The following ABL1 variants were observed in gnomAD, a reference collection of about 807,000 sequenced individuals.
ABL1 encodes ABL proto-oncogene 1, non-receptor tyrosine kinase.
Under a neutral mutation model 94.7 loss-of-function variants are expected in ABL1, and 11 were observed. The observed-to-expected ratio is 0.12, with a 90% CI of 0.07 to 0.19. The LOEUF is 0.19. Among genes scored for constraint, ABL1 ranks in the 10% least tolerant of loss-of-function variants. ABL1 has a pLI of 1.00. For missense variants in ABL1, 1,082 were observed against 1,489.4 expected (o/e 0.73, Z 4.50); for synonymous variants, 656 against 622.4 (o/e 1.05, Z -0.80).
At chr9:130,755,084 C>T (rs986265252) in intron 1 of ABL1, among the ~76,000 whole-genome samples, 2 of 152,160 alleles carry the variant, frequency 1.3e-5, no homozygotes, top group Non-Finnish European at 2.9e-5. Context: ...CAAAAGTGTC[C>T]TGAGCGCCTA....
chr9:130,799,328 G>A (rs1830025093), intron 1 of ABL1, among the ~76,000 whole-genome samples: 1 of 152,178 alleles, frequency 6.6e-6, no homozygotes, highest in African/African-American at 2.4e-5. Flanking sequence ...AATTATTGAT[G>A]GGTTACAGGT....
In ABL1 at chr9:130,812,560, A is replaced by G. The variant is rs190098216; in HGVS notation, c.137-41504A>G. Among the ~76,000 whole-genome samples the G allele has an allele frequency of 3.5e-4, 53 of 152,232 alleles. No individual in the cohort carries two copies. In the East Asian group the frequency reaches 8.3e-3, roughly 24 times the overall value. On this transcript the variant is annotated intron_variant, in intron 1 of 10. Transcript: ENST00000372348. ...ACCTTAGTGGCATATTAAACAAACT[A>G]TATTTTAAAATGAATGTCACCAAGG...
intron 1 of ABL1, among the ~76,000 whole-genome samples, chr9:130,853,098 C>T (rs1318828890): frequency 6.6e-6 from 1 of 150,450 alleles, no homozygotes; most frequent in African/African-American, 2.5e-5. Flanking sequence ...AGCTCTGCCT[C>T]TGGGAGCGGA....
chr9:130,726,734 G>A (rs1181381290), intron 1 of ABL1, among the ~76,000 whole-genome samples: 1 of 152,008 alleles, frequency 6.6e-6, no homozygotes, highest in Non-Finnish European at 1.5e-5. Context: ...TTGGCCTCCT[G>A]AAGTGCTGGG....
intron 1 of ABL1, among the ~76,000 whole-genome samples, chr9:130,846,738 C>T (rs535750677): frequency 1.3e-5 from 2 of 152,250 alleles, no homozygotes. Context: ...GGTTCATGGG[C>T]ATTTCCCTTC....
chr9:130,861,276 A>G (rs1245013994), intron 3 of ABL1, among the ~76,000 whole-genome samples: 3 of 152,172 alleles, frequency 2.0e-5, no homozygotes, highest in Non-Finnish European at 2.9e-5. Flanking sequence ...ATTGTTACCA[A>G]AAGATTGTAA....
intron 7 of ABL1, among the ~76,000 whole-genome samples, chr9:130,876,788 G>A (rs1394766897): frequency 2.2e-5 from 3 of 135,794 alleles, no homozygotes; most frequent in Non-Finnish European, 4.6e-5. Flanking sequence ...CCAGGCTGGA[G>A]TGCAGTGGCA....
chr9:130,720,153 T>G (rs1264902755), intron 1 of ABL1, among the ~76,000 whole-genome samples: 1 of 152,192 alleles, frequency 6.6e-6, no homozygotes, highest in Non-Finnish European at 1.5e-5. Context: ...GATATATTTG[T>G]AAACAAAACA....
At chr9:130,800,598 G>A (rs1830041403) in intron 1 of ABL1, among the ~76,000 whole-genome samples, 1 of 152,092 alleles carries the variant, frequency 6.6e-6, no homozygotes, top group African/African-American at 2.4e-5. Context: ...CTGTAGTTTT[G>A]TCTTTTCAAG....
At chr9:130,864,744 G>A (rs75500271) in intron 4 of ABL1, among the ~76,000 whole-genome samples, 8,061 of 152,160 alleles carry the variant, frequency 0.053, 375 homozygotes, top group East Asian at 0.25. Flanking sequence ...AAGGAGGGAC[G>A]GGGGAGCTGT....
At chr9:130,819,045 C>T (rs927174286) in intron 1 of ABL1, among the ~76,000 whole-genome samples, 1 of 152,078 alleles carries the variant, frequency 6.6e-6, no homozygotes, top group East Asian at 1.9e-4. Flanking sequence ...GACTGTGCAT[C>T]CTTGGAGGTC....
chr9:130,724,747 TAAAAAAAAA>T, intron 1 of ABL1: 18 of 309,624 alleles, frequency 5.8e-5, no homozygotes, highest in Non-Finnish European at 9.3e-5. Flanking sequence ...ACCCTGTCTT[TAAAAAAAAA>T]AAAAAAAAAA....
chr9:130,864,339 C>T (rs1029371937), intron 4 of ABL1, among the ~76,000 whole-genome samples: 27 of 152,106 alleles, frequency 1.8e-4, no homozygotes, highest in Non-Finnish European at 5.9e-5. Context: ...TCCGCCTCCC[C>T]AAATTGGCGA....
chr9:130,873,703 G>T (rs1831292853), intron 6 of ABL1, among the ~76,000 whole-genome samples: 1 of 152,180 alleles, frequency 6.6e-6, no homozygotes, highest in African/African-American at 2.4e-5. Flanking sequence ...ATTCTTTGCT[G>T]GTGGAAATGG....
At chr9:130,878,649 T>C in intron 8 of ABL1, 82 bp downstream of exon 8, 2 of 1,530,352 alleles carry the variant, frequency 1.3e-6, no homozygotes, top group South Asian at 1.2e-5. Flanking sequence ...TACACAAAGT[T>C]GAAAGTTTTT....
At chr9:130,774,986 G>A (rs1832295047) in intron 1 of ABL1, among the ~76,000 whole-genome samples, 1 of 152,170 alleles carries the variant, frequency 6.6e-6, no homozygotes, top group South Asian at 2.1e-4. Context: ...AAAACCTCCC[G>A]AGATAACTTT....
chr9:130,882,403 C>T (rs1277021595), intron 10 of ABL1, among the ~76,000 whole-genome samples: 1 of 152,160 alleles, frequency 6.6e-6, no homozygotes, highest in Non-Finnish European at 1.5e-5. Flanking sequence ...GTCCCGCGTG[C>T]TGCCTTGGGT....
At chr9:130,869,297 A>C (rs1831211820) in intron 4 of ABL1, among the ~76,000 whole-genome samples, 1 of 152,228 alleles carries the variant, frequency 6.6e-6, no homozygotes, top group Non-Finnish European at 1.5e-5. Context: ...TCTACTCAGG[A>C]ATAGAGATAA....
In ABL1 at chr9:130,885,301, C is replaced by G; in HGVS notation, c.3011C>G (p.Pro1004Arg). The G allele has an allele frequency of 2.5e-6, 4 of 1,613,800 alleles. No homozygotes were observed. The highest frequency in any genetic ancestry group is 3.4e-6 in the Non-Finnish European group (4 of 1,180,034). The change falls in exon 11 of 11, where the codon CCT (proline) becomes CGT (arginine). Residue 1004 changes from proline to arginine, a missense_variant. Pro to Arg is a moderately radical substitution (Grantham distance 103, BLOSUM62 -2). Around this residue, in one of 7 missense-constraint regions of ABL1, gnomAD observed 780 missense variants for 835.8 expected, o/e 0.93. Coordinates refer to ENST00000318560, the MANE Select transcript of ABL1 (RefSeq NM_005157.6). The part of the protein sequence containing the change: ...GDQPSSTAFI[P>R]LISTRVSLRK... Reference sequence around the variant, plus strand: ...CAGCCGTCTTCCACCGCCTTCATCCCTCTCATATCAACCCGAGTGTCTCTT... The same window carrying G: ...CAGCCGTCTTCCACCGCCTTCATCCGTCTCATATCAACCCGAGTGTCTCTT...
Sources: gnomAD v4.1 joint callset for allele counts (sites outside exome capture counted in the v4.1 genomes callset) on GRCh38, gnomAD v4.1.1 for gene constraint, gnomAD v4.1.1 regional missense constraint, MANE v1.5 for transcripts, NCBI Gene and HGNC (gene_info 2026-07-23, HGNC 2026-07-21) for gene names.